MBD5: variants seen among roughly 807,000 people sequenced by gnomAD.
MBD5 encodes methyl-CpG-binding domain protein 5.
Under a neutral mutation model 117.3 loss-of-function variants are expected in MBD5, and 13 were observed. The observed-to-expected ratio is 0.11, with a 90% CI of 0.07 to 0.18. The LOEUF (loss-of-function observed/expected upper bound fraction) is 0.18. Ranked by LOEUF, MBD5 falls within the 10% of genes least tolerant of loss-of-function variation. The pLI is 1.00. For synonymous variants in MBD5, 727 were observed against 766.4 expected (o/e 0.95, Z 0.85); for missense variants, 1,879 against 2,093.8 (o/e 0.90, Z 2.00).
At chr2:148,376,332 G>A (rs1703986342) in intron 4 of MBD5, among the ~76,000 whole-genome samples, 1 of 146,342 alleles carries the variant, frequency 6.8e-6, no homozygotes, top group South Asian at 2.1e-4. Flanking sequence ...CAGCGGCGCA[G>A]TCTCGGCTCA....
chr2:148,096,398 A>G (rs1440697754), intron 1 of MBD5, among the ~76,000 whole-genome samples: 1 of 119,520 alleles, frequency 8.4e-6, no homozygotes, highest in Non-Finnish European at 1.8e-5. Flanking sequence ...GCTCTCAATA[A>G]CAAAAAATTA....
chr2:148,113,851 G>A (rs1027433960), intron 1 of MBD5, among the ~76,000 whole-genome samples: 2 of 152,084 alleles, frequency 1.3e-5, no homozygotes, highest in African/African-American at 4.8e-5. Context: ...ATCACATGCA[G>A]AGATAATCAT....
At chr2:148,316,963 A>G (rs909114987) in intron 3 of MBD5, among the ~76,000 whole-genome samples, 1 of 152,204 alleles carries the variant, frequency 6.6e-6, no homozygotes. Context: ...AAAGTTACAC[A>G]TCTTCACTTA....
Position 148,289,061 on chromosome 2 carries a change from T to C in MBD5, c.-679-53153T>C, listed in dbSNP as rs528779426. ...AACTATTTATTTAAATCTCATATGGTTATTGAACTACTTTTGTGCTTACAA... is the reference window on the plus strand; with the variant it reads ...AACTATTTATTTAAATCTCATATGGCTATTGAACTACTTTTGTGCTTACAA... On this transcript the variant is annotated intron_variant, in intron 3 of 13. Transcript: ENST00000642680. Among the ~76,000 whole-genome samples, 6 of 152,318 alleles carry C rather than the reference T, an allele frequency of 3.9e-5. No individual in the cohort carries two copies. The South Asian group carries it at 1.2e-3, about 32-fold the overall frequency.
chr2:148,387,802 A>G (rs1704423093), intron 4 of MBD5, among the ~76,000 whole-genome samples: 1 of 152,190 alleles, frequency 6.6e-6, no homozygotes, highest in African/African-American at 2.4e-5. Context: ...AGAAATGAAA[A>G]TAACAAAAAT....
At position 148,258,009 on chromosome 2, in the gene MBD5, A is replaced by G. The variant is rs114299136; in HGVS notation, c.-680+24614A>G. Among the ~76,000 whole-genome samples the G allele has an allele frequency of 5.1e-3, 775 of 152,246 alleles. 12 individuals are homozygous for G. The highest frequency in any genetic ancestry group is 0.018 in the African/African-American group (745 of 41,536). ...GCTTTCTAACTGGCCACACTGGAGAACTGTAGGGGCTATGGGTGCCACGCA... is the reference window on the plus strand; with the variant it reads ...GCTTTCTAACTGGCCACACTGGAGAGCTGTAGGGGCTATGGGTGCCACGCA... On this transcript the variant is annotated intron_variant, in intron 3 of 13. Coordinates refer to ENST00000642680, the MANE Select transcript of MBD5 (RefSeq NM_001378120.1).
intron 1 of MBD5, among the ~76,000 whole-genome samples, chr2:148,112,926 T>C (rs1165948375): frequency 2.0e-5 from 3 of 152,138 alleles, no homozygotes; most frequent in African/African-American, 4.8e-5. Flanking sequence ...GAAGGAGGAT[T>C]GCGTGAAGCC....
At chr2:148,150,948 G>A (rs1459723248) in intron 1 of MBD5, among the ~76,000 whole-genome samples, 6 of 151,490 alleles carry the variant, frequency 4.0e-5, no homozygotes, top group Non-Finnish European at 5.9e-5. Flanking sequence ...TCTCCTGCCT[G>A]ATTGCCCTGG....
intron 3 of MBD5, among the ~76,000 whole-genome samples, chr2:148,235,833 C>T (rs1351186166): frequency 6.6e-6 from 1 of 152,104 alleles, no homozygotes; most frequent in African/African-American, 2.4e-5. Context: ...GGCTCTTACT[C>T]TCTCTTCCAG....
chr2:148,392,905 G>A (rs1488124913), intron 4 of MBD5, among the ~76,000 whole-genome samples: 1 of 151,952 alleles, frequency 6.6e-6, no homozygotes, highest in African/African-American at 2.4e-5. Context: ...GGGGATAATG[G>A]TTACAATGAA....
intron 1 of MBD5, among the ~76,000 whole-genome samples, chr2:148,105,183 G>T (rs1417284996): frequency 6.7e-6 from 1 of 150,296 alleles, no homozygotes; most frequent in Non-Finnish European, 1.5e-5. Flanking sequence ...AATGTCTGCA[G>T]CATCTATAGT....
intron 3 of MBD5, among the ~76,000 whole-genome samples, chr2:148,292,080 A>G (rs1228343383): frequency 6.6e-6 from 1 of 152,242 alleles, no homozygotes; most frequent in Non-Finnish European, 1.5e-5. Flanking sequence ...TACATTAAAG[A>G]CTTACATTTA....
intron 4 of MBD5, among the ~76,000 whole-genome samples, chr2:148,454,113 A>T (rs1388552280): frequency 6.6e-6 from 1 of 152,162 alleles, no homozygotes; most frequent in Non-Finnish European, 1.5e-5. Context: ...TCACAAAATT[A>T]TATCCAACAA....
At chr2:148,435,681 C>T (rs941913686) in intron 4 of MBD5, among the ~76,000 whole-genome samples, 5 of 152,012 alleles carry the variant, frequency 3.3e-5, no homozygotes, top group African/African-American at 1.2e-4. Context: ...ACATTTTTTT[C>T]TCTCATTTCA....
At chr2:148,339,460 A>G (rs1254549113) in intron 3 of MBD5, among the ~76,000 whole-genome samples, 1 of 152,086 alleles carries the variant, frequency 6.6e-6, no homozygotes, top group Non-Finnish European at 1.5e-5. Context: ...TTCTCAAAGT[A>G]TCATTTATTT....
intron 11 of MBD5, among the ~76,000 whole-genome samples, chr2:148,497,869 C>T (rs1446226905): frequency 6.6e-6 from 1 of 151,960 alleles, no homozygotes; most frequent in Non-Finnish European, 1.5e-5. Context: ...CACCAGTGGC[C>T]CTTTGACTGC....
intron 1 of MBD5, among the ~76,000 whole-genome samples, chr2:148,123,305 A>G (rs1696812425): frequency 6.6e-6 from 1 of 152,256 alleles, no homozygotes; most frequent in South Asian, 2.1e-4. Context: ...TATGATATGA[A>G]TTGACATGAA....
At chr2:148,071,109 C>T (rs1249685198) in intron 1 of MBD5, 1 of 152,092 alleles carries the variant, frequency 6.6e-6, no homozygotes, top group Non-Finnish European at 1.5e-5. Context: ...GCCTCGGCCT[C>T]CGAAAGTGCC....
chr2:148,183,718 G>A (rs569686718), intron 2 of MBD5, among the ~76,000 whole-genome samples: 1 of 151,880 alleles, frequency 6.6e-6, no homozygotes, highest in African/African-American at 2.4e-5. Flanking sequence ...AAGACATTTT[G>A]TCAGCATTAC....
Sources: gnomAD v4.1 joint callset for allele counts (sites outside exome capture counted in the v4.1 genomes callset) on GRCh38, gnomAD v4.1.1 for gene constraint, MANE v1.5 for transcripts, NCBI Gene and HGNC (gene_info 2026-07-23, HGNC 2026-07-21) for gene names.